VPS37A: variants seen among roughly 807,000 people sequenced by gnomAD.
VPS37A encodes VPS37A subunit of ESCRT-I.
VPS37A carries 30 observed loss-of-function variants against 49.8 expected under a neutral mutation model. The observed-to-expected ratio is 0.60, with a 90% CI of 0.45 to 0.82. The LOEUF is 0.82. Ranked by LOEUF, VPS37A falls within the 40% of genes least tolerant of loss-of-function variation. The probability of loss-of-function intolerance (pLI) is 0.00; values close to 1 mark genes in which losing one functional copy is unlikely to be tolerated. For synonymous variants in VPS37A, 195 were observed against 160.6 expected (o/e 1.21, Z -1.62); for missense variants, 593 against 464.4 (o/e 1.28, Z -2.55).
chr8:17,304,556 T>C, downstream of VPS37A: 2 of 1,599,170 alleles, frequency 1.3e-6, no homozygotes, highest in African/African-American at 1.3e-5. Context: ...ATGACCTATT[T>C]TGGTGCTTAC....
At chr8:17,300,774 C>CCTAT (rs1260346038), downstream of VPS37A, among the ~76,000 whole-genome samples, 5 of 152,246 alleles carry the variant, frequency 3.3e-5, no homozygotes, top group East Asian at 1.9e-4. Context: ...ATTTCCCATT[C>CCTAT]CTATCTCCCC....
intron 11 of VPS37A, among the ~76,000 whole-genome samples, chr8:17,287,320 C>G (rs907695120): frequency 6.6e-6 from 1 of 152,166 alleles, no homozygotes; most frequent in African/African-American, 2.4e-5. Flanking sequence ...CAGCTCTTCT[C>G]ACACCTTTTT....
chr8:17,279,887 T>G, intron 6 of VPS37A, 141 bp from the exon 7 acceptor site: 1 of 977,828 alleles, frequency 1.0e-6, no homozygotes, highest in Non-Finnish European at 1.6e-6. Context: ...ATTTTAAGGT[T>G]AAAACTGGCA....
intron 1 of VPS37A, among the ~76,000 whole-genome samples, chr8:17,257,452 G>A (rs1426242250): frequency 1.3e-5 from 2 of 152,102 alleles, no homozygotes; most frequent in East Asian, 3.9e-4. Context: ...GAAAACACAT[G>A]GATACAGGGA....
chr8:17,318,007 C>A, the VPS37A span, among the ~76,000 whole-genome samples: 1 of 151,972 alleles, frequency 6.6e-6, no homozygotes, highest in African/African-American at 2.4e-5. Flanking sequence ...CAAGAAATTC[C>A]TTTGGGTCTG....
intron 1 of VPS37A, among the ~76,000 whole-genome samples, chr8:17,252,945 G>T (rs1390209883): frequency 2.0e-5 from 3 of 152,112 alleles, no homozygotes; most frequent in East Asian, 3.9e-4. Context: ...TATCAATCCT[G>T]TAATTAAGTT....
the VPS37A span, among the ~76,000 whole-genome samples, chr8:17,331,774 TC>T: frequency 6.6e-6 from 1 of 152,140 alleles, no homozygotes; most frequent in Non-Finnish European, 1.5e-5. Flanking sequence ...GCCCACAAGA[TC>T]CCTCAGATGC....
At chr8:17,302,377 A>T, downstream of VPS37A, 1 of 1,339,578 alleles carries the variant, frequency 7.5e-7, no homozygotes, top group Middle Eastern at 1.9e-4. Flanking sequence ...CACAGTCTTA[A>T]TAATAACCAA....
intron 3 of VPS37A, 24 bp downstream of exon 3, chr8:17,268,396 T>C: frequency 2.0e-6 from 3 of 1,503,552 alleles, no homozygotes; most frequent in Non-Finnish European, 2.8e-6. Context: ...ATAATTTATT[T>C]CAGGGTAATA....
chr8:17,304,533 A>G (rs1449671207), downstream of VPS37A: 1 of 1,610,840 alleles, frequency 6.2e-7, no homozygotes, highest in African/African-American at 1.3e-5. Context: ...TTATAAAGAA[A>G]ATAAGTCTAT....
At chr8:17,254,850 T>C (rs1048133453) in intron 1 of VPS37A, among the ~76,000 whole-genome samples, 2 of 152,224 alleles carry the variant, frequency 1.3e-5, no homozygotes, top group African/African-American at 4.8e-5. Flanking sequence ...AAATCTGTTT[T>C]GATTTTTTTA....
chr8:17,317,706 T>C, the VPS37A span, among the ~76,000 whole-genome samples: 2 of 152,210 alleles, frequency 1.3e-5, no homozygotes, highest in African/African-American at 2.4e-5. Context: ...GTTTCAGAGA[T>C]ACCTGATGGC....
the VPS37A span, among the ~76,000 whole-genome samples, chr8:17,317,554 T>C: frequency 6.6e-6 from 1 of 152,198 alleles, no homozygotes; most frequent in Non-Finnish European, 1.5e-5. Flanking sequence ...GGTCAACGTT[T>C]CCAGAAAGGT....
intron 5 of VPS37A, among the ~76,000 whole-genome samples, chr8:17,276,107 T>A (rs1272255794): frequency 6.6e-6 from 1 of 152,016 alleles, no homozygotes; most frequent in African/African-American, 2.4e-5. Flanking sequence ...TATATACCAA[T>A]GAAATCTACA....
the VPS37A span, among the ~76,000 whole-genome samples, chr8:17,315,107 T>G: frequency 3.3e-5 from 5 of 152,200 alleles, no homozygotes; most frequent in Non-Finnish European, 1.5e-5. Context: ...ATACAATATT[T>G]AAACATATGA....
At chr8:17,260,337 T>C (rs1249528603) in intron 1 of VPS37A, among the ~76,000 whole-genome samples, 1 of 152,170 alleles carries the variant, frequency 6.6e-6, no homozygotes, top group Non-Finnish European at 1.5e-5. Context: ...CAAAAATATT[T>C]ATGCCTTAAT....
In VPS37A at chr8:17,280,053, GAAC is replaced by G. The variant is rs1814895310; in HGVS notation, c.742_744del (p.Gln248del). On this transcript the variant is annotated inframe_deletion, in exon 7 of 12. Transcript: ENST00000324849. ...TGTGTCACAACTCACAGATATGAAT[GAAC>G]AAGAGGAGGTATTACTAGAACAGTT... is the stretch of plus-strand genomic sequence containing the variant. 6.2e-7 allele frequency: 1 copy of G among 1,611,516 alleles called. No individual in the cohort carries two copies. Among genetic ancestry groups the G allele is most frequent in the Admixed American group, 1.7e-5 (1 of 59,808 alleles).
In VPS37A at chr8:17,289,948, T is replaced by A. The variant is rs566781373; in HGVS notation, c.*3521T>A. On this transcript the variant is annotated intron_variant, in intron 11 of 11. Transcript: ENST00000324849. Reference sequence around the variant, plus strand: ...CTTGTAAGTTGGATTCCTAGGTATTTTATTCTCTTTGAAGCAATTGTGAAT... The same window carrying A: ...CTTGTAAGTTGGATTCCTAGGTATTATATTCTCTTTGAAGCAATTGTGAAT... 3.4e-3 allele frequency among the ~76,000 whole-genome samples: 513 copies of A among 152,340 alleles called. 4 individuals carry two copies. Among genetic ancestry groups the A allele is most frequent in the Middle Eastern group, 0.014 (4 of 294 alleles).
At chr8:17,311,871 A>AC in the VPS37A span, 8 of 562,168 alleles carry the variant, frequency 1.4e-5, no homozygotes, top group Non-Finnish European at 2.5e-5. Flanking sequence ...AGTCACCTCC[A>AC]ATAAGCGCAT....
Sources: allele counts gnomAD v4.1 joint callset (sites outside exome capture counted in the v4.1 genomes callset), GRCh38; gene constraint gnomAD v4.1.1; transcripts MANE v1.5; gene names NCBI Gene and HGNC (gene_info 2026-07-23, HGNC 2026-07-21).